The following RTKN2 variants were observed in gnomAD, a reference collection of about 807,000 sequenced individuals.
RTKN2 encodes rhotekin 2.
RTKN2 carries 69 observed loss-of-function variants against 71.5 expected under a neutral mutation model. That is an observed-to-expected ratio of 0.96 (90% CI 0.79 to 1.18). The LOEUF is 1.18. Among genes scored for constraint, RTKN2 ranks in the 50% most tolerant of loss-of-function variants. The probability of loss-of-function intolerance (pLI) is 0.00; values close to 1 mark genes in which losing one functional copy is unlikely to be tolerated. For synonymous variants in RTKN2, 236 were observed against 236.5 expected (o/e 1.00, Z 0.02); for missense variants, 724 against 719.7 (o/e 1.01, Z -0.07).
downstream of RTKN2, among the ~76,000 whole-genome samples, chr10:62,192,056 T>A (rs574313634): frequency 6.1e-4 from 92 of 150,578 alleles, no homozygotes; most frequent in African/African-American, 2.1e-3. Context: ...GGTTTTTTTT[T>A]ATCTTAAACA....
chr10:62,215,186 T>C, intron 9 of RTKN2: 1 of 741,850 alleles, frequency 1.3e-6, no homozygotes, highest in Non-Finnish European at 2.1e-6. Flanking sequence ...GATTTCATTT[T>C]TACTCCTCAG....
chr10:62,185,932 T>C (rs1041456612), intron 8 of RTKN2, among the ~76,000 whole-genome samples: 1 of 152,246 alleles, frequency 6.6e-6, no homozygotes, highest in Admixed American at 6.5e-5. Context: ...GTTTTATATA[T>C]AACCTCTTAT....
At chr10:62,185,294 G>C (rs1841116484) in intron 8 of RTKN2, among the ~76,000 whole-genome samples, 1 of 152,018 alleles carries the variant, frequency 6.6e-6, no homozygotes, top group Admixed American at 6.6e-5. Flanking sequence ...AATATTGATT[G>C]CATCAGTTCT....
At chr10:62,248,759 G>T (rs995750871) in intron 2 of RTKN2, among the ~76,000 whole-genome samples, 2 of 152,132 alleles carry the variant, frequency 1.3e-5, no homozygotes, top group Non-Finnish European at 1.5e-5. Flanking sequence ...TATTAAAATT[G>T]ACTGAGTAAA....
Position 62,187,601 on chromosome 10 carries a change from T to C in RTKN2, c.862-3214A>G, listed in dbSNP as rs147346595. Among the ~76,000 whole-genome samples the C allele has an allele frequency of 2.2e-4, 34 of 152,362 alleles. 1 individual carries two copies. In the East Asian group the frequency reaches 5.0e-3, roughly 22 times the overall value. ...GAAAAATCAAGTCAATAGTGTCACA[T>C]TAGTGACCTGGATATATGTGAACCA... is the stretch of plus-strand genomic sequence containing the variant. On this transcript the variant is annotated intron_variant, in intron 8 of 8. Coordinates refer to the RTKN2 transcript ENST00000315289.
At chr10:62,223,161 TC>T in intron 7 of RTKN2, 76 bp downstream of exon 7, 1 of 759,300 alleles carries the variant, frequency 1.3e-6, no homozygotes, top group Non-Finnish European at 2.2e-6. Flanking sequence ...TAAGCCGATA[TC>T]CACTTGAGGG....
intron 6 of RTKN2, among the ~76,000 whole-genome samples, chr10:62,226,225 C>T (rs1842020899): frequency 6.6e-6 from 1 of 152,098 alleles, no homozygotes; most frequent in Non-Finnish European, 1.5e-5. Context: ...ACAGTGATGT[C>T]TGATGGGAAT....
intron 9 of RTKN2, among the ~76,000 whole-genome samples, chr10:62,216,594 C>A (rs1485348168): frequency 6.6e-6 from 1 of 151,986 alleles, no homozygotes; most frequent in African/African-American, 2.4e-5. Flanking sequence ...ATATACTTGA[C>A]AAATTTTCTA....
chr10:62,260,595 T>C (rs1842755558), intron 2 of RTKN2, among the ~76,000 whole-genome samples: 1 of 152,050 alleles, frequency 6.6e-6, no homozygotes, highest in South Asian at 2.1e-4. Flanking sequence ...AGATAATTAG[T>C]AAAGAAACTG....
Position 62,184,313 on chromosome 10 carries a change from T to C in RTKN2, c.*9A>G, listed in dbSNP as rs1191494251. On this transcript the variant is annotated 3_prime_UTR_variant, in exon 9 of 9. Transcript: ENST00000315289. ...TTTTCACACTGGTTCTAATGAAGTA[T>C]TTGAGAAGCTATGTGAAGAGGAATT... 3 of 1,508,442 alleles carry C rather than the reference T, an allele frequency of 2.0e-6. No homozygotes were observed. The South Asian group carries it at 3.6e-5, about 18-fold the overall frequency. The allele number at this position is 1,508,442 out of a possible 1,614,324, so 93.4% of individuals were successfully genotyped here.
rs188968528 is a variant in RTKN2, at chr10:62,203,017, G to C, written c.1186+1840C>G. Reference sequence around the variant, plus strand: ...CTCTACTAAAAATACAATATTAGTTGGGCGTGGTGGCACATGCCTGTAATC... The same window carrying C: ...CTCTACTAAAAATACAATATTAGTTCGGCGTGGTGGCACATGCCTGTAATC... On this transcript the variant is annotated intron_variant, in intron 10 of 11. Coordinates refer to ENST00000373789, the MANE Select transcript of RTKN2 (RefSeq NM_145307.4). Among the ~76,000 whole-genome samples the C allele has an allele frequency of 1.2e-3, 181 of 152,128 alleles. 1 individual carries two copies. The highest frequency in any genetic ancestry group is 4.2e-3 in the African/African-American group (173 of 41,516).
intron 6 of RTKN2, among the ~76,000 whole-genome samples, chr10:62,235,342 A>G (rs2132973104): frequency 6.6e-6 from 1 of 152,242 alleles, no homozygotes; most frequent in East Asian, 1.9e-4. Context: ...AAAGAGATAA[A>G]ATATTTTCTA....
At position 62,199,773 on chromosome 10, in the gene RTKN2, G is replaced by A; in HGVS notation, c.1275C>T (p.Thr425=). ...ACTTACTCATATCATGGTAGACTGA[G>A]GTTGCCTCTTTTGTCAAGAACAAAG... The part of the protein sequence containing the change: ...KPPLFLTKEA[T]SVYHDMSIDS... Residue 425 remains threonine, a synonymous_variant, in exon 11 of 12, where the codon ACC becomes ACT. Coordinates refer to ENST00000373789, the MANE Select transcript of RTKN2 (RefSeq NM_145307.4). 1 of 1,610,452 alleles carries A rather than the reference G, an allele frequency of 6.2e-7. No homozygotes were observed. Among genetic ancestry groups the A allele is most frequent in the Non-Finnish European group, 8.5e-7 (1 of 1,176,910 alleles).
At chr10:62,200,776 G>T (rs1431446508) in intron 10 of RTKN2, among the ~76,000 whole-genome samples, 1 of 151,852 alleles carries the variant, frequency 6.6e-6, no homozygotes, top group African/African-American at 2.4e-5. Context: ...GTTTTAAAAG[G>T]TATATAAAAA....
At chr10:62,255,203 A>G (rs768514370) in intron 2 of RTKN2, among the ~76,000 whole-genome samples, 2 of 152,170 alleles carry the variant, frequency 1.3e-5, no homozygotes, top group African/African-American at 2.4e-5. Flanking sequence ...TGTAATCAAA[A>G]ACCTATAAAT....
At chr10:62,224,938 G>C (rs920642991) in intron 6 of RTKN2, among the ~76,000 whole-genome samples, 66 of 152,160 alleles carry the variant, frequency 4.3e-4, no homozygotes, top group African/African-American at 1.6e-3. Context: ...TGGAAGAGGA[G>C]TGGATTTAAT....
chr10:62,263,882 G>A (rs1323759463), intron 1 of RTKN2, among the ~76,000 whole-genome samples: 2 of 151,946 alleles, frequency 1.3e-5, no homozygotes, highest in Non-Finnish European at 2.9e-5. Context: ...ATCTTTTAAT[G>A]GCCTGATTCT....
rs1589329642 is a variant in RTKN2 at position 62,197,402 on chromosome 10, T to C, written c.*506A>G. On this transcript the variant is annotated 3_prime_UTR_variant, in exon 12 of 12. Transcript: ENST00000373789. ...GCCTATAAACTAGTGAGTTAAACAA[T>C]AGATGAGAGCCAGTGAACCATTAGA... 1 of 986,246 alleles carries C rather than the reference T, an allele frequency of 1.0e-6. No homozygotes were observed. Among genetic ancestry groups the C allele is most frequent in the Non-Finnish European group, 1.2e-6 (1 of 830,266 alleles). The allele number at this position is 986,246 out of a possible 1,614,324, so 61.1% of individuals were successfully genotyped here. A position where few individuals can be genotyped will look rare whatever the true frequency, so the allele number is the denominator to read the frequency against.
intron 6 of RTKN2, among the ~76,000 whole-genome samples, chr10:62,225,198 T>G (rs2195851): frequency 0.89 from 135,681 of 152,272 alleles, 60,573 homozygotes; most frequent in East Asian, 1. Flanking sequence ...GCTGACAAAA[T>G]AATTTATTGT....
Sources: gnomAD v4.1 joint callset for allele counts (sites outside exome capture counted in the v4.1 genomes callset) on GRCh38, gnomAD v4.1.1 for gene constraint, MANE v1.5 for transcripts, NCBI Gene and HGNC (gene_info 2026-07-23, HGNC 2026-07-21) for gene names.